The following ESM1 variants were observed in gnomAD, a reference collection of about 807,000 sequenced individuals.
The protein encoded by ESM1 is endothelial cell-specific molecule 1.
In ESM1, 7 loss-of-function variants were observed where a neutral mutation model predicts 14.9. The ratio of observed to expected loss-of-function variants is 0.47; its 90% CI spans 0.27 to 0.88. The LOEUF is 0.88. Ranked by LOEUF, ESM1 falls within the 40% of genes least tolerant of loss-of-function variation. The pLI is 0.14. For missense variants in ESM1, 192 were observed against 237.9 expected (o/e 0.81, Z 1.27); for synonymous variants, 89 against 89.4 (o/e 1.00, Z 0.02).
rs1367077858 is a variant in ESM1 at position 54,979,393 on chromosome 5, T to G, written c.494A>C (p.Glu165Ala). 2 of 1,613,584 alleles carry G rather than the reference T, an allele frequency of 1.2e-6. No individual in the cohort carries two copies. Among genetic ancestry groups the G allele is most frequent in the South Asian group, 2.2e-5 (2 of 90,940 alleles). ...ASGDGNIVRE[E>A]VVKENAAGSP... Reference sequence around the variant, plus strand: ...CCCGGCAGCATTCTCTTTCACAACTTCTTCTCTCACAATATTGCCATCTCC... The same window carrying G: ...CCCGGCAGCATTCTCTTTCACAACTGCTTCTCTCACAATATTGCCATCTCC... Residue 165 changes from glutamate (E) to alanine (A), a missense_variant, in exon 3 of 3, where the codon GAA becomes GCA. Transcript: ENST00000381405.
chr5:54,985,007 TTC>T (rs1411495842), intron 1 of ESM1, among the ~76,000 whole-genome samples: 6 of 152,216 alleles, frequency 3.9e-5, no homozygotes, highest in Non-Finnish European at 8.8e-5. Flanking sequence ...AATGCCACAC[TTC>T]TTTCTGTGCC....
At chr5:54,979,481 A>C in intron 2 of ESM1, 46 bp from the exon 3 acceptor site, 5 of 1,264,442 alleles carry the variant, frequency 4.0e-6, no homozygotes, top group Non-Finnish European at 4.6e-6. Flanking sequence ...TCTATAGCTC[A>C]AAGACAACAC....
At chr5:54,979,511 T>C (rs1744010287) in intron 2 of ESM1, 76 bp from the exon 3 acceptor site, 2 of 986,830 alleles carry the variant, frequency 2.0e-6, no homozygotes, top group East Asian at 2.4e-5. Context: ...TTATTTTTGT[T>C]TTACATGGAA....
At chr5:54,980,404 C>G (rs1468864196) in intron 2 of ESM1, among the ~76,000 whole-genome samples, 2 of 152,132 alleles carry the variant, frequency 1.3e-5, no homozygotes, top group African/African-American at 2.4e-5. Context: ...GAAGCCCAAG[C>G]CTTCTCCTGT....
Position 54,982,149 on chromosome 5 carries a change from G to A in ESM1, c.302-3C>T. The A allele has an allele frequency of 1.2e-6, 2 of 1,613,542 alleles. No homozygotes were observed. Among genetic ancestry groups the A allele is most frequent in the Non-Finnish European group, 8.5e-7 (1 of 1,179,752 alleles). On this transcript the variant is annotated splice_polypyrimidine_tract_variant and splice_region_variant and intron_variant, in intron 1 of 2. Coordinates refer to ENST00000381405, the MANE Select transcript of ESM1 (RefSeq NM_007036.5). ...CCCGAAGGTGCCGTAGGGACAGTCT[G>A]GGGACAAAGGAAAGGTTGGAGAGGA...
intron 1 of ESM1, among the ~76,000 whole-genome samples, chr5:54,984,392 T>C (rs935319990): frequency 2.0e-5 from 3 of 152,192 alleles, no homozygotes; most frequent in Non-Finnish European, 4.4e-5. Context: ...ATCATCATTC[T>C]TTTTATTCTA....
At chr5:54,981,456 A>T (rs1245918864) in intron 2 of ESM1, among the ~76,000 whole-genome samples, 1 of 152,212 alleles carries the variant, frequency 6.6e-6, no homozygotes, top group Non-Finnish European at 1.5e-5. Context: ...CCAAAATTTC[A>T]ATCACATACT....
rs747118364 is a variant in ESM1 at position 54,979,294 on chromosome 5, A to G, written c.*38T>C. 2.1e-5 allele frequency: 30 copies of G among 1,461,556 alleles called. No homozygotes were observed. The highest frequency in any genetic ancestry group is 8.4e-5 in the Admixed American group (5 of 59,462). 90.5% of individuals were successfully genotyped at this position (1,461,556 alleles called of 1,614,324 possible). ...AATGTTGGCTGTGTGTTGAACAATC[A>G]CGAAAATAGAGCCTTCTCTCAGAAA... On this transcript the variant is annotated 3_prime_UTR_variant, in exon 3 of 3. Transcript: ENST00000381405.
intron 1 of ESM1, among the ~76,000 whole-genome samples, chr5:54,982,895 CA>C (rs1740420716): frequency 6.6e-6 from 1 of 152,118 alleles, no homozygotes; most frequent in South Asian, 2.1e-4. Context: ...ACACTTATGC[CA>C]AAACATCCTA....
chr5:54,981,439 T>C (rs1169110634), intron 2 of ESM1, among the ~76,000 whole-genome samples: 2 of 152,194 alleles, frequency 1.3e-5, no homozygotes, highest in Non-Finnish European at 2.9e-5. Context: ...TACAGTTTCA[T>C]TCATTTCCAA....
chr5:54,979,268 A>C lies in ESM1; in HGVS notation c.*64T>G. The C allele has an allele frequency of 1.7e-6, 2 of 1,193,070 alleles. No individual in the cohort carries two copies. Among genetic ancestry groups the C allele is most frequent in the Admixed American group, 3.5e-5 (2 of 56,780 alleles). The allele number at this position is 1,193,070 out of a possible 1,614,324, so 73.9% of individuals were successfully genotyped here. A position where few individuals can be genotyped will look rare whatever the true frequency, so the allele number is the denominator to read the frequency against. ...TATGCTATAATCTAGAAAGTTCCTA[A>C]AATGTTGGCTGTGTGTTGAACAATC... On this transcript the variant is annotated 3_prime_UTR_variant, in exon 3 of 3. Transcript: ENST00000381405.
chr5:54,983,529 C>T (rs910140696), intron 1 of ESM1, among the ~76,000 whole-genome samples: 3 of 152,168 alleles, frequency 2.0e-5, no homozygotes, highest in Non-Finnish European at 4.4e-5. Flanking sequence ...ACAGTTTTCA[C>T]GTGGATGTTC....
intron 2 of ESM1, among the ~76,000 whole-genome samples, chr5:54,981,222 G>A (rs76560524): frequency 9.3e-4 from 141 of 152,024 alleles, no homozygotes; most frequent in African/African-American, 3.1e-3. Flanking sequence ...AACTACAATC[G>A]CCATTCTGTG....
chr5:54,979,564 T>C, intron 2 of ESM1, 129 bp from the exon 3 acceptor site: 1 of 659,666 alleles, frequency 1.5e-6, no homozygotes, highest in East Asian at 2.7e-5. Context: ...CCATGCTAAC[T>C]GTATTCACTG....
Position 54,982,092 on chromosome 5 carries a change from G to A in ESM1, c.356C>T (p.Ser119Leu). Residue 119 changes from serine (S) to leucine (L), a missense_variant, in exon 2 of 3, where the codon TCA becomes TTA. By Grantham distance (145) the Ser-to-Leu change is moderately radical. Transcript: ENST00000381405. ...MDCRETCNCQ[S>L]GICDRGTGKC... ...TCCCGTCCCCCTGTCACAGATGCCT[G>A]ACTGGCAGTTGCAGGTCTCTCTGCA... 6.2e-7 allele frequency: 1 copy of A among 1,614,160 alleles called. No homozygotes were observed. The highest frequency in any genetic ancestry group is 8.5e-7 in the Non-Finnish European group (1 of 1,179,982).
At position 54,985,294 on chromosome 5, in the gene ESM1, A is replaced by G. The variant is rs746045758; in HGVS notation, c.224T>C (p.Met75Thr). The G allele has an allele frequency of 2.5e-6, 4 of 1,614,170 alleles. No homozygotes were observed. The highest frequency in any genetic ancestry group is 3.4e-6 in the Non-Finnish European group (4 of 1,180,030). ...CYRTVSGMDGMKCGPGLRCQP... is the reference protein window; with the variant it reads ...CYRTVSGMDGTKCGPGLRCQP... ...ACACCTCAGCCCCGGGCCACACTTC[A>G]TGCCATCCATGCCTGAGACTGTGCG... is the stretch of plus-strand genomic sequence containing the variant. Residue 75 changes from methionine to threonine, a missense_variant, in exon 1 of 3, where the codon ATG (methionine) becomes ACG (threonine). Physicochemically the swap from Met to Thr is moderately conservative, Grantham distance 81. Transcript: ENST00000381405.
chr5:54,980,276 G>A (rs2269225), intron 2 of ESM1, among the ~76,000 whole-genome samples: 30,379 of 152,122 alleles, frequency 0.2, 3,619 homozygotes, highest in South Asian at 0.35. Flanking sequence ...AGTTGGAGAA[G>A]ACAAGCTCGT....
At position 54,982,071 on chromosome 5, in the gene ESM1, G is replaced by T; in HGVS notation, c.377C>A (p.Thr126Lys). 2.5e-6 allele frequency: 4 copies of T among 1,613,974 alleles called. No homozygotes were observed. Among genetic ancestry groups the T allele is most frequent in the Non-Finnish European group, 3.4e-6 (4 of 1,179,880 alleles). The change falls in exon 2 of 3, where the codon ACG becomes AAG. Residue 126 changes from threonine (T) to lysine (K), a missense_variant. Transcript: ENST00000381405. ...NCQSGICDRG[T>K]GKCLKFPFFQ... Reference sequence around the variant, plus strand: ...GAAGGGGAATTTCAGGCATTTTCCCGTCCCCCTGTCACAGATGCCTGACTG... The same window carrying T: ...GAAGGGGAATTTCAGGCATTTTCCCTTCCCCCTGTCACAGATGCCTGACTG...
At chr5:54,984,443 G>A (rs1036673992) in intron 1 of ESM1, among the ~76,000 whole-genome samples, 314 of 152,150 alleles carry the variant, frequency 2.1e-3, no homozygotes, top group African/African-American at 7.3e-3. Flanking sequence ...TAGTTACTAT[G>A]TTTAAAATAA....
Sources: allele counts gnomAD v4.1 joint callset (sites outside exome capture counted in the v4.1 genomes callset), GRCh38; gene constraint gnomAD v4.1.1; transcripts MANE v1.5; gene names NCBI Gene and HGNC (gene_info 2026-07-23, HGNC 2026-07-21).